TMEM135: variants seen among roughly 807,000 people sequenced by gnomAD.
TMEM135 encodes transmembrane protein 135, also known as peroxisomal membrane protein 52.
In TMEM135, 30 loss-of-function variants were observed where a neutral mutation model predicts 60.3. That is an observed-to-expected ratio of 0.50 (90% CI 0.37 to 0.68). The LOEUF is 0.68. TMEM135 is among the 30% of genes least tolerant of loss of function. The pLI is 0.00. For synonymous variants in TMEM135, 190 were observed against 186.7 expected, an observed-to-expected ratio of 1.02 and a Z score of -0.14; for missense variants, 468 against 548.8, an observed-to-expected ratio of 0.85 and a Z score of 1.47.
chr11:87,245,737 G>C (rs11518776), intron 6 of TMEM135, among the ~76,000 whole-genome samples: 1 of 105,084 alleles, frequency 9.5e-6, no homozygotes, highest in Admixed American at 9.1e-5. Context: ...TTTTGAGCCT[G>C]TGTGTGTCTG....
chr11:87,067,570 G>A, intron 1 of TMEM135, 124 bp from the exon 2 acceptor site: 2 of 1,292,588 alleles, frequency 1.5e-6, no homozygotes, highest in Non-Finnish European at 2.2e-6. Context: ...AGAAGATCCA[G>A]TGAAATGCCA....
chr11:87,064,383 C>G (rs879636358), intron 1 of TMEM135, among the ~76,000 whole-genome samples: 2 of 151,924 alleles, frequency 1.3e-5, no homozygotes, highest in Non-Finnish European at 2.9e-5. Context: ...CCAGTTTCTC[C>G]CAATTGTTTC....
At chr11:87,045,435 T>C (rs542696539) in intron 1 of TMEM135, among the ~76,000 whole-genome samples, 1 of 151,638 alleles carries the variant, frequency 6.6e-6, no homozygotes, top group South Asian at 2.1e-4. Context: ...AAGGGCTTAG[T>C]ATTGCAGTAA....
At chr11:87,258,420 C>T (rs1941574852) in intron 6 of TMEM135, among the ~76,000 whole-genome samples, 1 of 152,074 alleles carries the variant, frequency 6.6e-6, no homozygotes, top group Non-Finnish European at 1.5e-5. Flanking sequence ...AGTTGTAATG[C>T]ATTTTGTCTG....
At chr11:87,081,963 G>A (rs1214178632) in intron 3 of TMEM135, among the ~76,000 whole-genome samples, 4 of 152,074 alleles carry the variant, frequency 2.6e-5, no homozygotes, top group African/African-American at 9.7e-5. Context: ...TTGTGTATGT[G>A]TTGATTTAGT....
chr11:87,063,974 C>T (rs987282672), intron 1 of TMEM135, among the ~76,000 whole-genome samples: 1 of 152,144 alleles, frequency 6.6e-6, no homozygotes, highest in African/African-American at 2.4e-5. Flanking sequence ...AATGGAATTG[C>T]TGAGTTATGG....
chr11:87,277,118 T>C (rs1254247304), intron 6 of TMEM135: 1 of 161,952 alleles, frequency 6.2e-6, no homozygotes, highest in East Asian at 1.9e-4. Flanking sequence ...CCCAGAAGTA[T>C]TGCTAACATT....
chr11:87,307,761 C>A (rs148372718), intron 9 of TMEM135, among the ~76,000 whole-genome samples: 1 of 152,172 alleles, frequency 6.6e-6, no homozygotes, highest in Admixed American at 6.5e-5. Flanking sequence ...TGACAATGGA[C>A]CTCATTATTT....
chr11:87,106,109 C>CT lies in TMEM135; in HGVS notation c.396+14726dup, dbSNP rs56723130. ...TTGCTGCAACTGACAGTATTTCTTT[C>CT]TTTTTTTTTTTTGAGACAGAGTCTC... On this transcript the variant is annotated intron_variant, in intron 4 of 14. Transcript: ENST00000305494. Among the ~76,000 whole-genome samples, 292 of 146,062 alleles carry CT rather than the reference C, an allele frequency of 2.0e-3. 1 individual carries two copies. The highest frequency in any genetic ancestry group is 0.015 in the East Asian group (75 of 5,046).
intron 4 of TMEM135, among the ~76,000 whole-genome samples, chr11:87,137,046 A>G (rs946491409): frequency 1.3e-5 from 2 of 151,966 alleles, no homozygotes; most frequent in Non-Finnish European, 2.9e-5. Context: ...TTTTCTCTCT[A>G]CTTTTTCTGT....
At chr11:87,125,842 A>G (rs1937710868) in intron 4 of TMEM135, among the ~76,000 whole-genome samples, 1 of 152,232 alleles carries the variant, frequency 6.6e-6, no homozygotes, top group African/African-American at 2.4e-5. Flanking sequence ...TTTACATACA[A>G]ATGTTTTACA....
chr11:87,229,085 A>C lies in TMEM135; in HGVS notation c.463-7553A>C, dbSNP rs572739514. Among the ~76,000 whole-genome samples the C allele has an allele frequency of 7.2e-5, 11 of 152,274 alleles. No individual in the cohort carries two copies. In the East Asian group the frequency reaches 2.1e-3, roughly 29 times the overall value. On this transcript the variant is annotated intron_variant, in intron 5 of 14. Transcript: ENST00000305494. Reference sequence around the variant, plus strand: ...GAAAACACTATTTTCCAGCTGAATGAACTTTATTTGCACATTATTTGTTAT... The same window carrying C: ...GAAAACACTATTTTCCAGCTGAATGCACTTTATTTGCACATTATTTGTTAT...
intron 5 of TMEM135, among the ~76,000 whole-genome samples, chr11:87,186,489 G>A (rs1304369823): frequency 6.6e-6 from 1 of 152,150 alleles, no homozygotes; most frequent in East Asian, 1.9e-4. Context: ...TGGTTGTATA[G>A]GATATAGGAG....
chr11:87,324,670 A>G lies in TMEM135; in HGVS notation c.*3337A>G, dbSNP rs1224840474. ...GGTCTTAAACTCCTGGCCTCAAGTG[A>G]TCCTCTTGGGTTGGCCTCCCGGGAC... On this transcript the variant is annotated 3_prime_UTR_variant, in exon 15 of 15. Coordinates refer to ENST00000305494, the MANE Select transcript of TMEM135 (RefSeq NM_022918.4). 1.3e-5 allele frequency: 6 copies of G among 452,898 alleles called. No homozygotes were observed. Among genetic ancestry groups the G allele is most frequent in the Non-Finnish European group, 2.2e-5 (5 of 226,536 alleles). The allele number at this position is 452,898 out of a possible 1,614,324, so 28.1% of individuals were successfully genotyped here.
intron 5 of TMEM135, among the ~76,000 whole-genome samples, chr11:87,168,143 A>G (rs959122605): frequency 3.3e-5 from 5 of 152,148 alleles, no homozygotes; most frequent in Admixed American, 3.3e-4. Flanking sequence ...TTTCTGTGGG[A>G]TCAATGGTGA....
intron 6 of TMEM135, among the ~76,000 whole-genome samples, chr11:87,245,612 T>G: frequency 7.2e-6 from 1 of 139,088 alleles, no homozygotes; most frequent in Non-Finnish European, 1.6e-5. Flanking sequence ...GTAATGGCCT[T>G]CTTTGTCTCT....
At chr11:87,261,336 C>T (rs1207877926) in intron 6 of TMEM135, among the ~76,000 whole-genome samples, 1 of 152,078 alleles carries the variant, frequency 6.6e-6, no homozygotes, top group Non-Finnish European at 1.5e-5. Context: ...TACAAATCTT[C>T]TATGTGGGTT....
At chr11:87,218,800 A>C (rs1215270660) in intron 5 of TMEM135, among the ~76,000 whole-genome samples, 1 of 152,112 alleles carries the variant, frequency 6.6e-6, no homozygotes, top group East Asian at 1.9e-4. Flanking sequence ...CGTCTCTACT[A>C]AAAATACAAA....
chr11:87,318,897 A>G (rs1942776732), intron 13 of TMEM135, among the ~76,000 whole-genome samples: 1 of 145,992 alleles, frequency 6.8e-6, no homozygotes, highest in South Asian at 2.2e-4. Flanking sequence ...TTGAGATGGA[A>G]TTTTGCTCTT....
Sources: gnomAD v4.1 joint callset for allele counts (sites outside exome capture counted in the v4.1 genomes callset) on GRCh38, gnomAD v4.1.1 for gene constraint, MANE v1.5 for transcripts, NCBI Gene and HGNC (gene_info 2026-07-23, HGNC 2026-07-21) for gene names.